Variants in JAZF1 observed in about 807,000 individuals in gnomAD.
The protein encoded by JAZF1 is JAZF zinc finger 1, also known as juxtaposed with another zinc finger protein 1.
A neutral mutation model predicts 26.4 loss-of-function variants in JAZF1; 8 were observed. The observed-to-expected ratio is 0.30, with a 90% confidence interval of 0.18 to 0.55. The LOEUF is 0.55. Among genes scored for constraint, JAZF1 ranks in the 20% least tolerant of loss-of-function variants. The pLI is 0.94. For synonymous variants in JAZF1, 126 were observed against 122.3 expected, an observed-to-expected ratio of 1.03 and a Z score of -0.20; for missense variants, 199 against 322.0, an observed-to-expected ratio of 0.62 and a Z score of 2.92.
chr7:27,898,800 A>C (rs986282565), intron 2 of JAZF1, among the ~76,000 whole-genome samples: 10 of 152,138 alleles, frequency 6.6e-5, no homozygotes, highest in African/African-American at 2.4e-4. Context: ...CATGAAACAC[A>C]TTCTTAAAGC....
intron 1 of JAZF1, among the ~76,000 whole-genome samples, chr7:28,112,089 T>G (rs1364224482): frequency 1.3e-5 from 2 of 152,246 alleles, no homozygotes; most frequent in African/African-American, 4.8e-5. Context: ...CCTATGATTT[T>G]ATGATCATGA....
chr7:28,001,209 C>G (rs1047595615), intron 1 of JAZF1, among the ~76,000 whole-genome samples: 1 of 151,778 alleles, frequency 6.6e-6, no homozygotes, highest in Non-Finnish European at 1.5e-5. Flanking sequence ...CAAAAATTAG[C>G]CAGGCATGGT....
chr7:28,101,913 T>A (rs1390348638), intron 1 of JAZF1, among the ~76,000 whole-genome samples: 1 of 152,010 alleles, frequency 6.6e-6, no homozygotes, highest in Non-Finnish European at 1.5e-5. Flanking sequence ...CGGCATGGGA[T>A]GCTTTTAGAT....
In JAZF1 at chr7:27,878,373, AAC is replaced by A. The variant is rs10645898; in HGVS notation, c.385+16845_385+16846del. On this transcript the variant is annotated intron_variant, in intron 3 of 4. Transcript: ENST00000283928. ...TTACATTACAACTCAGAAAACATCT[AAC>A]ACACACACACACACCCCATTTCCCC... Among the ~76,000 whole-genome samples the A allele has an allele frequency of 4.0e-5, 6 of 151,638 alleles. No homozygotes were observed. The South Asian group carries it at 8.3e-4, about 21-fold the overall frequency.
At chr7:27,929,285 G>A (rs1238563270) in intron 2 of JAZF1, among the ~76,000 whole-genome samples, 1 of 152,158 alleles carries the variant, frequency 6.6e-6, no homozygotes, top group East Asian at 1.9e-4. Flanking sequence ...CCTGTGGCAT[G>A]CCCACAGCAT....
At position 27,832,729 on chromosome 7, in the gene JAZF1, G is replaced by GA; in HGVS notation, c.*70dup. 7.8e-7 allele frequency: 1 copy of GA among 1,287,114 alleles called. No individual in the cohort carries two copies. The highest frequency in any genetic ancestry group is 1.0e-6 in the Non-Finnish European group (1 of 958,442). 79.7% of individuals were successfully genotyped at this position (1,287,114 alleles called of 1,614,324 possible). On this transcript the variant is annotated 3_prime_UTR_variant, in exon 5 of 5. Coordinates refer to ENST00000283928, the MANE Select transcript of JAZF1 (RefSeq NM_175061.4). Reference sequence around the variant, plus strand: ...TAAAGGGTTGCTGAATGCTTCCCCTGAAAAAAGGTGGCTGTTTTCAAAATC... The same window carrying GA: ...TAAAGGGTTGCTGAATGCTTCCCCTGAAAAAAAGGTGGCTGTTTTCAAAATC...
At chr7:28,127,862 C>A (rs1782722140) in intron 1 of JAZF1, among the ~76,000 whole-genome samples, 1 of 152,114 alleles carries the variant, frequency 6.6e-6, no homozygotes, top group Admixed American at 6.6e-5. Context: ...AGAACTTGCT[C>A]ACTATCATGA....
At chr7:27,898,057 A>G (rs1784100968) in intron 2 of JAZF1, among the ~76,000 whole-genome samples, 1 of 152,152 alleles carries the variant, frequency 6.6e-6, no homozygotes, top group South Asian at 2.1e-4. Flanking sequence ...GCATTATTAT[A>G]TCGTTATGTC....
At chr7:27,845,225 G>T (rs960921032) in intron 3 of JAZF1, among the ~76,000 whole-genome samples, 1 of 152,204 alleles carries the variant, frequency 6.6e-6, no homozygotes, top group Non-Finnish European at 1.5e-5. Flanking sequence ...GTCACAGAAA[G>T]AATCTACCCC....
intron 1 of JAZF1, among the ~76,000 whole-genome samples, chr7:28,126,614 G>A (rs1466315289): frequency 3.3e-5 from 5 of 152,096 alleles, no homozygotes; most frequent in African/African-American, 4.8e-5. Context: ...GAAGGGGAGC[G>A]GTGATGATGC....
chr7:27,923,213 T>A (rs1327413326), intron 2 of JAZF1, among the ~76,000 whole-genome samples: 1 of 152,226 alleles, frequency 6.6e-6, no homozygotes, highest in Non-Finnish European at 1.5e-5. Context: ...TAGTCTTCTC[T>A]ACTCAGTGGT....
chr7:28,100,790 A>G (rs1306993819), intron 1 of JAZF1, among the ~76,000 whole-genome samples: 1 of 152,230 alleles, frequency 6.6e-6, no homozygotes. Flanking sequence ...GTGTCTGGAA[A>G]AGAAGAATCC....
chr7:28,007,340 G>A (rs1436202835), intron 1 of JAZF1, among the ~76,000 whole-genome samples: 1 of 152,116 alleles, frequency 6.6e-6, no homozygotes, highest in Non-Finnish European at 1.5e-5. Context: ...GTGGTGAGGT[G>A]GGAGGATCAC....
intron 2 of JAZF1, among the ~76,000 whole-genome samples, chr7:27,895,892 T>A (rs78333367): frequency 0.016 from 2,457 of 152,278 alleles, 57 homozygotes; most frequent in African/African-American, 0.054. Context: ...CTTTTTTTTT[T>A]AAATTTTTTG....
chr7:27,874,768 G>C (rs1420104325), intron 3 of JAZF1, among the ~76,000 whole-genome samples: 3 of 152,120 alleles, frequency 2.0e-5, no homozygotes, highest in Non-Finnish European at 4.4e-5. Context: ...TGATCAATGA[G>C]GGCTGGCTTG....
intron 1 of JAZF1, among the ~76,000 whole-genome samples, chr7:28,051,774 T>C (rs1482108901): frequency 6.6e-6 from 1 of 152,154 alleles, no homozygotes; most frequent in Non-Finnish European, 1.5e-5. Flanking sequence ...TCCATCAATA[T>C]TTAAAGCCTG....
chr7:28,134,805 C>T (rs1782854633), intron 1 of JAZF1, among the ~76,000 whole-genome samples: 1 of 152,026 alleles, frequency 6.6e-6, no homozygotes, highest in Non-Finnish European at 1.5e-5. Flanking sequence ...TACTGTTTTA[C>T]ACTATCATTT....
chr7:27,954,168 G>A (rs1366940935), intron 2 of JAZF1, among the ~76,000 whole-genome samples: 3 of 152,204 alleles, frequency 2.0e-5, no homozygotes, highest in Non-Finnish European at 4.4e-5. Context: ...TAGTAGCCCA[G>A]CTCAGGGATC....
chr7:27,877,079 C>T (rs909382837), intron 3 of JAZF1, among the ~76,000 whole-genome samples: 6 of 152,256 alleles, frequency 3.9e-5, no homozygotes, highest in South Asian at 2.1e-4. Context: ...ACCGAGAGGG[C>T]GCTAGACTTT....
Sources: allele counts gnomAD v4.1 joint callset (sites outside exome capture counted in the v4.1 genomes callset), GRCh38; gene constraint gnomAD v4.1.1; transcripts MANE v1.5; gene names NCBI Gene and HGNC (gene_info 2026-07-23, HGNC 2026-07-21).